Variants in COL23A1 observed in about 807,000 individuals in gnomAD.
COL23A1 encodes the protein collagen type XXIII alpha 1 chain.
A neutral mutation model predicts 99.3 loss-of-function variants in COL23A1; 97 were observed. The observed-to-expected ratio is 0.98, with a 90% CI of 0.83 to 1.16. The LOEUF is 1.16. Ranked by LOEUF, COL23A1 falls within the 50% of genes most tolerant of loss-of-function variation. COL23A1 has a pLI of 0.00. For missense variants in COL23A1, 762 were observed against 757.4 expected (o/e 1.01, Z -0.07); for synonymous variants, 320 against 308.2 (o/e 1.04, Z -0.40).
At chr5:178,262,523 TG>T (rs916972803) in intron 9 of COL23A1, among the ~76,000 whole-genome samples, 7 of 151,086 alleles carry the variant, frequency 4.6e-5, no homozygotes, top group African/African-American at 1.7e-4. Flanking sequence ...TCCATTTGAC[TG>T]GGGGGGGACC....
intron 17 of COL23A1, among the ~76,000 whole-genome samples, chr5:178,251,635 G>T (rs1265085319): frequency 6.6e-6 from 1 of 152,182 alleles, no homozygotes; most frequent in African/African-American, 2.4e-5. Context: ...ACATGGGATT[G>T]CACGATGCTG....
intron 2 of COL23A1, among the ~76,000 whole-genome samples, chr5:178,509,743 G>A (rs1759096327): frequency 6.6e-6 from 1 of 152,170 alleles, no homozygotes; most frequent in Non-Finnish European, 1.5e-5. Context: ...CGCCCCAAGT[G>A]TGAAGCTTCC....
chr5:178,245,797 T>C (rs759435794), intron 25 of COL23A1, 145 bp downstream of exon 25: 19 of 895,150 alleles, frequency 2.1e-5, no homozygotes, highest in Non-Finnish European at 3.5e-5. Context: ...GACTTGGCAA[T>C]GGGGACACAG....
At chr5:178,534,449 A>G (rs1179204208) in intron 2 of COL23A1, among the ~76,000 whole-genome samples, 1 of 152,172 alleles carries the variant, frequency 6.6e-6, no homozygotes, top group African/African-American at 2.4e-5. Context: ...GGGAGGGGGC[A>G]CTGGGCTCAG....
chr5:178,578,023 C>T (rs1264965400), intron 1 of COL23A1, among the ~76,000 whole-genome samples: 2 of 152,188 alleles, frequency 1.3e-5, no homozygotes, highest in Non-Finnish European at 2.9e-5. Context: ...CTGTACAGTG[C>T]CCACACAGCA....
intron 7 of COL23A1, among the ~76,000 whole-genome samples, chr5:178,268,023 C>T (rs1756001973): frequency 6.6e-6 from 1 of 152,254 alleles, no homozygotes; most frequent in Non-Finnish European, 1.5e-5. Context: ...GCTCCCATGC[C>T]TCCCCACGGC....
intron 2 of COL23A1, among the ~76,000 whole-genome samples, chr5:178,509,215 G>T: frequency 7.7e-6 from 1 of 130,572 alleles, no homozygotes; most frequent in African/African-American, 2.9e-5. Context: ...ATCAGAACCT[G>T]CATTCTTTTT....
chr5:178,555,571 A>G (rs979809419), intron 2 of COL23A1, among the ~76,000 whole-genome samples: 4 of 152,196 alleles, frequency 2.6e-5, no homozygotes, highest in Non-Finnish European at 5.9e-5. Flanking sequence ...AGTTGTCTGC[A>G]CTAAAAATTT....
Position 178,583,797 on chromosome 5 carries a change from G to A in COL23A1, c.294+6107C>T, listed in dbSNP as rs574283529. ...AAACAAAATCCAGGCACCTTGAGCCGGGCCTACACAGACACTAGCCTGGAC... is the reference window on the plus strand; with the variant it reads ...AAACAAAATCCAGGCACCTTGAGCCAGGCCTACACAGACACTAGCCTGGAC... On this transcript the variant is annotated intron_variant, in intron 1 of 28. Transcript: ENST00000390654. Among the ~76,000 whole-genome samples, 19 of 152,198 alleles carry A rather than the reference G, an allele frequency of 1.2e-4. No individual in the cohort carries two copies. In the South Asian group the frequency reaches 1.7e-3, roughly 13 times the overall value.
intron 2 of COL23A1, among the ~76,000 whole-genome samples, chr5:178,363,710 T>C (rs1762301686): frequency 6.6e-6 from 1 of 152,134 alleles, no homozygotes; most frequent in Non-Finnish European, 1.5e-5. Context: ...CGGCTGTGGG[T>C]GTCGGCTGCA....
At chr5:178,396,955 C>T (rs1474257970) in intron 2 of COL23A1, among the ~76,000 whole-genome samples, 2 of 152,238 alleles carry the variant, frequency 1.3e-5, no homozygotes, top group Non-Finnish European at 2.9e-5. Flanking sequence ...AGTGAACAAA[C>T]GTCAAAGATC....
intron 2 of COL23A1, among the ~76,000 whole-genome samples, chr5:178,319,795 T>C (rs1415172070): frequency 6.6e-6 from 1 of 152,232 alleles, no homozygotes; most frequent in Non-Finnish European, 1.5e-5. Context: ...CTGAGGGGTT[T>C]CCCTGGGCTC....
intron 2 of COL23A1, among the ~76,000 whole-genome samples, chr5:178,426,100 G>A (rs953097998): frequency 3.3e-4 from 50 of 152,208 alleles, no homozygotes; most frequent in African/African-American, 1.1e-3. Flanking sequence ...TCCGTTTAGT[G>A]TGGTCAGGAA....
At chr5:178,240,770 G>T (rs1180038182) in intron 27 of COL23A1, among the ~76,000 whole-genome samples, 1 of 152,238 alleles carries the variant, frequency 6.6e-6, no homozygotes, top group East Asian at 1.9e-4. Context: ...CTGGGAGGGG[G>T]TCTCTAACTC....
Position 178,307,063 on chromosome 5 carries a change from G to T in COL23A1, c.362-144C>A, listed in dbSNP as rs1758398766. On this transcript the variant is annotated intron_variant, in intron 2 of 28. Transcript: ENST00000390654. The surrounding 1 kb of genome is among the most constrained non-coding windows in gnomAD (Gnocchi z 4.2). ...CGAGGGGGTCTGCTGGCTGTGGAGG[G>T]GGAGATGCGTGGGGAGAAACCCCTT... 7.4e-6 allele frequency: 4 copies of T among 541,458 alleles called. No individual in the cohort carries two copies. Among genetic ancestry groups the T allele is most frequent in the Non-Finnish European group, 6.4e-6 (2 of 310,428 alleles). The allele number at this position is 541,458 out of a possible 1,614,324, so 33.5% of individuals were successfully genotyped here.
At chr5:178,459,383 G>A (rs1329423965) in intron 2 of COL23A1, among the ~76,000 whole-genome samples, 3 of 152,196 alleles carry the variant, frequency 2.0e-5, no homozygotes, top group Non-Finnish European at 2.9e-5. Flanking sequence ...AAGAAGAATT[G>A]TGATTTAGTA....
At chr5:178,466,981 C>T (rs1756456995) in intron 2 of COL23A1, among the ~76,000 whole-genome samples, 1 of 152,196 alleles carries the variant, frequency 6.6e-6, no homozygotes, top group South Asian at 2.1e-4. Flanking sequence ...ATAATAGTCC[C>T]TGTGTTGTTG....
rs114479934 is a variant in COL23A1 at position 178,492,986 on chromosome 5, G to A, written c.361+67696C>T. ...CATTCTAGAAAGTGCCTGGCCCTTG[G>A]TAAGCTGCTCTTAAGTGTGATCTGT... is the stretch of plus-strand genomic sequence containing the variant. On this transcript the variant is annotated intron_variant, in intron 2 of 28. Transcript: ENST00000390654. Among the ~76,000 whole-genome samples the A allele has an allele frequency of 6.5e-3, 983 of 152,340 alleles. 5 individuals are homozygous for A. Among genetic ancestry groups the A allele is most frequent in the African/African-American group, 0.021 (883 of 41,566 alleles).
In COL23A1 at chr5:178,247,937, C is replaced by G. The variant is rs566753970; in HGVS notation, c.1213-106G>C. 8.6e-6 allele frequency: 9 copies of G among 1,049,906 alleles called. No homozygotes were observed. In the Admixed American group the frequency reaches 2.0e-4, roughly 23 times the overall value. The allele number at this position is 1,049,906 out of a possible 1,614,324, so 65.0% of individuals were successfully genotyped here. ...GGATCGAGAGTCTCCTTCCTGCCCCCCAGAGGGCAGAGTCTGGTGAGCAGG... is the reference window on the plus strand; with the variant it reads ...GGATCGAGAGTCTCCTTCCTGCCCCGCAGAGGGCAGAGTCTGGTGAGCAGG... On this transcript the variant is annotated intron_variant, in intron 20 of 28. Transcript: ENST00000390654.
Sources: gnomAD v4.1 joint callset for allele counts (sites outside exome capture counted in the v4.1 genomes callset) on GRCh38, gnomAD v4.1.1 for gene constraint, Gnocchi (gnomAD v3.1) non-coding constraint, MANE v1.5 for transcripts, NCBI Gene and HGNC (gene_info 2026-07-23, HGNC 2026-07-21) for gene names.